KHDRBS3: variants seen among roughly 807,000 people sequenced by gnomAD.
KHDRBS3 encodes KH domain-containing, RNA-binding, signal transduction-associated protein 3.
In KHDRBS3, 23 loss-of-function variants were observed where a neutral mutation model predicts 45.6. That is an observed-to-expected ratio of 0.50 (90% CI 0.36 to 0.72). KHDRBS3 has a LOEUF of 0.72. KHDRBS3 is among the 30% of genes least tolerant of loss of function. The pLI is 0.00. For synonymous variants in KHDRBS3, 162 were observed against 156.5 expected, an observed-to-expected ratio of 1.04 and a Z score of -0.26; for missense variants, 352 against 424.8, an observed-to-expected ratio of 0.83 and a Z score of 1.51.
rs150846063 is a variant in KHDRBS3, at chr8:135,498,134, GA to G, written c.89-23093del. On this transcript the variant is annotated intron_variant, in intron 1 of 8. Coordinates refer to ENST00000355849, the MANE Select transcript of KHDRBS3 (RefSeq NM_006558.3). ...AGAAGACATTCTCAACCTCAGAGATGAAAAAAAAAATACAGTTCTATCTATA... is the reference window on the plus strand; with the variant it reads ...AGAAGACATTCTCAACCTCAGAGATGAAAAAAAAATACAGTTCTATCTATA... Among the ~76,000 whole-genome samples, 1,272 of 148,570 alleles carry G rather than the reference GA, an allele frequency of 8.6e-3. 12 individuals carry two copies. The highest frequency in any genetic ancestry group is 0.026 in the African/African-American group (1,051 of 40,388).
rs1255491380 is a variant in KHDRBS3, at chr8:135,523,080, T to A, written c.207+1725T>A. Reference sequence around the variant, plus strand: ...CTATAGGCTTTTACATAGTGAGACATGAGTTTAGGTAATGTAGTTCCTCCA... The same window carrying A: ...CTATAGGCTTTTACATAGTGAGACAAGAGTTTAGGTAATGTAGTTCCTCCA... On this transcript the variant is annotated intron_variant, in intron 2 of 8. Coordinates refer to ENST00000355849, the MANE Select transcript of KHDRBS3 (RefSeq NM_006558.3). Among the ~76,000 whole-genome samples the A allele has an allele frequency of 1.6e-4, 24 of 152,194 alleles. 1 individual carries two copies. The highest frequency in any genetic ancestry group is 1.6e-3 in the Admixed American group (24 of 15,288).
At chr8:135,616,030 A>C (rs1430236926) in intron 7 of KHDRBS3, among the ~76,000 whole-genome samples, 1 of 152,378 alleles carries the variant, frequency 6.6e-6, no homozygotes, top group Non-Finnish European at 1.5e-5. Context: ...CTAATAAAAA[A>C]GGAAAATGTT....
chr8:135,540,363 A>G (rs1011288493), intron 2 of KHDRBS3: 2 of 152,202 alleles, frequency 1.3e-5, no homozygotes, highest in African/African-American at 4.8e-5. Flanking sequence ...GTAGGTAGCA[A>G]TTACTGTAAA....
chr8:135,509,914 TATAAG>T lies in KHDRBS3; in HGVS notation c.89-11316_89-11312del, dbSNP rs143891516. On this transcript the variant is annotated intron_variant, in intron 1 of 8. Transcript: ENST00000355849. ...CACAAATTCTTCTTGAAATCCATTC[TATAAG>T]ATAAGAGCTATTGAGAGATAAACTT... Among the ~76,000 whole-genome samples the T allele has an allele frequency of 5.9e-3, 892 of 152,060 alleles. 7 individuals carry two copies. The highest frequency in any genetic ancestry group is 0.021 in the African/African-American group (869 of 41,486).
At chr8:135,484,925 A>G (rs1463026117) in intron 1 of KHDRBS3, among the ~76,000 whole-genome samples, 3 of 152,192 alleles carry the variant, frequency 2.0e-5, no homozygotes, top group East Asian at 1.9e-4. Flanking sequence ...TTATTATTTT[A>G]TAGATGCTAT....
chr8:135,484,708 A>G (rs1822756373), intron 1 of KHDRBS3, among the ~76,000 whole-genome samples: 1 of 152,164 alleles, frequency 6.6e-6, no homozygotes, highest in Admixed American at 6.5e-5. Flanking sequence ...AAGCTGTTAA[A>G]TATGTATGTT....
intron 5 of KHDRBS3, among the ~76,000 whole-genome samples, chr8:135,571,005 C>T: frequency 6.6e-6 from 1 of 152,120 alleles, no homozygotes; most frequent in Non-Finnish European, 1.5e-5. Context: ...ATAACAGAGG[C>T]AAATAGTGTT....
intron 3 of KHDRBS3, among the ~76,000 whole-genome samples, chr8:135,547,704 G>T (rs1370750631): frequency 6.6e-6 from 1 of 152,138 alleles, no homozygotes; most frequent in East Asian, 1.9e-4. Flanking sequence ...AGGTGGTATT[G>T]CCAGGAATTC....
chr8:135,554,739 T>G (rs1826789477), intron 4 of KHDRBS3, among the ~76,000 whole-genome samples: 1 of 152,238 alleles, frequency 6.6e-6, no homozygotes, highest in Admixed American at 6.5e-5. Context: ...TCATATATTT[T>G]TAATTCCAGA....
At chr8:135,535,739 A>T (rs1825714046) in intron 2 of KHDRBS3, among the ~76,000 whole-genome samples, 1 of 152,148 alleles carries the variant, frequency 6.6e-6, no homozygotes, top group Non-Finnish European at 1.5e-5. Context: ...GAAATATTTG[A>T]GACTGAGGAA....
chr8:135,544,785 T>C (rs1235752208), intron 3 of KHDRBS3, among the ~76,000 whole-genome samples: 1 of 152,094 alleles, frequency 6.6e-6, no homozygotes, highest in Non-Finnish European at 1.5e-5. Flanking sequence ...TGGAAATCAG[T>C]ATGGTGATTC....
chr8:135,627,153 A>T (rs1426253795), intron 7 of KHDRBS3, among the ~76,000 whole-genome samples: 1 of 152,194 alleles, frequency 6.6e-6, no homozygotes, highest in African/African-American at 2.4e-5. Context: ...GTTTTCTCTC[A>T]TGCAAGGATG....
intron 5 of KHDRBS3, among the ~76,000 whole-genome samples, chr8:135,561,202 C>T (rs1201286712): frequency 6.6e-6 from 1 of 152,172 alleles, no homozygotes; most frequent in Non-Finnish European, 1.5e-5. Context: ...TCTTCTGTCT[C>T]GCCTTTTCAA....
At chr8:135,623,051 G>A (rs1299707891) in intron 7 of KHDRBS3, among the ~76,000 whole-genome samples, 3 of 152,070 alleles carry the variant, frequency 2.0e-5, no homozygotes, top group African/African-American at 7.3e-5. Flanking sequence ...CATGTCCCCA[G>A]TATTTCAACC....
chr8:135,620,398 G>A (rs577121301), intron 7 of KHDRBS3, among the ~76,000 whole-genome samples: 3 of 152,124 alleles, frequency 2.0e-5, no homozygotes, highest in Non-Finnish European at 1.5e-5. Context: ...TACCACACCC[G>A]GTAGCAAGGC....
intron 1 of KHDRBS3, among the ~76,000 whole-genome samples, chr8:135,510,222 C>G (rs1824209195): frequency 6.6e-6 from 1 of 152,116 alleles, no homozygotes; most frequent in African/African-American, 2.4e-5. Context: ...CTTAGCCTCT[C>G]AAAGTACTGT....
chr8:135,528,048 A>G (rs375306317), intron 2 of KHDRBS3, among the ~76,000 whole-genome samples: 8 of 152,204 alleles, frequency 5.3e-5, no homozygotes, highest in East Asian at 1.9e-4. Flanking sequence ...TGTTAAGTCT[A>G]TAAGTTTAAA....
At chr8:135,503,569 T>G (rs1370419939) in intron 1 of KHDRBS3, among the ~76,000 whole-genome samples, 3 of 145,192 alleles carry the variant, frequency 2.1e-5, no homozygotes, top group Non-Finnish European at 4.6e-5. Context: ...AGTTTTTTTG[T>G]TTTTTTTTTT....
rs150345986 is a variant in KHDRBS3, at chr8:135,495,592, C to T, written c.89-25645C>T. On this transcript the variant is annotated intron_variant, in intron 1 of 8. Coordinates refer to ENST00000355849, the MANE Select transcript of KHDRBS3 (RefSeq NM_006558.3). ...AAACAGCACTTTTACTCCCACTTCACCCTAGTGTCTGTTGGTCCTTTGCAA... is the reference window on the plus strand; with the variant it reads ...AAACAGCACTTTTACTCCCACTTCATCCTAGTGTCTGTTGGTCCTTTGCAA... 2.1e-4 allele frequency among the ~76,000 whole-genome samples: 32 copies of T among 152,320 alleles called. No individual in the cohort carries two copies. The South Asian group carries it at 6.0e-3, about 29-fold the overall frequency.
Sources: gnomAD v4.1 joint callset for allele counts (sites outside exome capture counted in the v4.1 genomes callset) on GRCh38, gnomAD v4.1.1 for gene constraint, MANE v1.5 for transcripts, NCBI Gene and HGNC (gene_info 2026-07-23, HGNC 2026-07-21) for gene names.